ECE1: variants seen among roughly 807,000 people sequenced by gnomAD.
ECE1 encodes the protein endothelin-converting enzyme 1.
ECE1 carries 35 observed loss-of-function variants against 98.6 expected under a neutral mutation model. The ratio of observed to expected loss-of-function variants is 0.35; its 90% confidence interval spans 0.27 to 0.47. The LOEUF is 0.47. Ranked by LOEUF, ECE1 falls within the 20% of genes least tolerant of loss-of-function variation. The pLI, the probability that ECE1 is intolerant of heterozygous loss-of-function variation, is 1.00. For missense variants in ECE1, 814 were observed against 1,025.3 expected (o/e 0.79, Z 2.81); for synonymous variants, 394 against 407.1 (o/e 0.97, Z 0.39).
chr1:21,334,403 C>T (rs982907812), intron 1 of ECE1, among the ~76,000 whole-genome samples: 1 of 152,262 alleles, frequency 6.6e-6, no homozygotes, highest in Non-Finnish European at 1.5e-5. Flanking sequence ...TCATGGCCAT[C>T]TTCCACCAGA....
chr1:21,333,489 T>C (rs72868870), intron 1 of ECE1, among the ~76,000 whole-genome samples: 1 of 152,068 alleles, frequency 6.6e-6, no homozygotes, highest in Non-Finnish European at 1.5e-5. Context: ...ACAGCATATG[T>C]GAGGGCCAGC....
intron 3 of ECE1, among the ~76,000 whole-genome samples, chr1:21,277,366 G>A (rs896300983): frequency 6.6e-6 from 1 of 152,252 alleles, no homozygotes; most frequent in African/African-American, 2.4e-5. Flanking sequence ...TATCTTTGGA[G>A]CTCCGAGGGG....
At position 21,233,773 on chromosome 1, in the gene ECE1, CG is replaced by C; in HGVS notation, c.1567-113del. 1 of 998,192 alleles carries C rather than the reference CG, an allele frequency of 1.0e-6. No individual in the cohort carries two copies. Among genetic ancestry groups the C allele is most frequent in the Non-Finnish European group, 1.5e-6 (1 of 651,314 alleles). 61.8% of individuals were successfully genotyped at this position (998,192 alleles called of 1,614,324 possible). A position where few individuals can be genotyped will look rare whatever the true frequency, so the allele number is the denominator to read the frequency against. ...AGAGATTAATCTGCAGGCTGGAGAC[CG>C]GAATGCAGGGCTTGGGGCTGCAGGG... is the stretch of plus-strand genomic sequence containing the variant. On this transcript the variant is annotated intron_variant, in intron 13 of 18. Transcript: ENST00000374893. This position sits in a 1 kb window ranked among gnomAD's most constrained non-coding sequence, Gnocchi z 4.0.
At chr1:21,303,013 G>A (rs1638521468) in intron 1 of ECE1, among the ~76,000 whole-genome samples, 1 of 152,146 alleles carries the variant, frequency 6.6e-6, no homozygotes, top group African/African-American at 2.4e-5. Flanking sequence ...TGCTATTTCT[G>A]CCCCCACTTG....
intron 3 of ECE1, among the ~76,000 whole-genome samples, chr1:21,276,539 G>T: frequency 6.6e-6 from 1 of 152,172 alleles, no homozygotes; most frequent in East Asian, 1.9e-4. Context: ...TATGTTCTTG[G>T]AGAATGTATT....
intron 4 of ECE1, among the ~76,000 whole-genome samples, chr1:21,264,318 C>CG (rs1491477507): frequency 7.1e-6 from 1 of 141,768 alleles, no homozygotes; most frequent in African/African-American, 2.6e-5. Context: ...TTCCCCCCCC[C>CG]CCTTTTTTTT....
chr1:21,269,096 C>T (rs539617663), intron 4 of ECE1, among the ~76,000 whole-genome samples: 321 of 152,316 alleles, frequency 2.1e-3, no homozygotes, highest in Admixed American at 3.0e-3. Flanking sequence ...GCAGGCGAAC[C>T]ACACTTCTCG....
At chr1:21,326,369 G>A (rs1639078911) in intron 1 of ECE1, among the ~76,000 whole-genome samples, 1 of 152,044 alleles carries the variant, frequency 6.6e-6, no homozygotes, top group African/African-American at 2.4e-5. Flanking sequence ...AGACCGTGGG[G>A]TGTGTGTGTC....
intron 14 of ECE1, among the ~76,000 whole-genome samples, chr1:21,228,325 A>G (rs2098177145): frequency 6.6e-6 from 1 of 152,066 alleles, no homozygotes; most frequent in Non-Finnish European, 1.5e-5. Context: ...TCGGACTCCC[A>G]AAGTGCTGGA....
chr1:21,334,443 C>T (rs1277144714), intron 1 of ECE1, among the ~76,000 whole-genome samples: 3 of 152,266 alleles, frequency 2.0e-5, no homozygotes, highest in African/African-American at 4.8e-5. Context: ...ACCACAAAGC[C>T]ACAGGATTCC....
chr1:21,284,563 C>T (rs913947106), intron 2 of ECE1, among the ~76,000 whole-genome samples: 7 of 152,198 alleles, frequency 4.6e-5, no homozygotes, highest in Admixed American at 3.9e-4. Flanking sequence ...AAAAGAGCAG[C>T]GCTATCCAGC....
At chr1:21,269,794 C>A (rs1031793266) in intron 4 of ECE1, among the ~76,000 whole-genome samples, 10 of 152,206 alleles carry the variant, frequency 6.6e-5, no homozygotes, top group African/African-American at 2.4e-4. Flanking sequence ...GGTCACTTGT[C>A]CAAGGCCACA....
chr1:21,309,325 G>A lies in ECE1; in HGVS notation c.4-19169C>T, dbSNP rs114982600. Among the ~76,000 whole-genome samples, 930 of 152,328 alleles carry A rather than the reference G, an allele frequency of 6.1e-3. 6 individuals carry two copies. The highest frequency in any genetic ancestry group is 0.021 in the African/African-American group (860 of 41,582). ...CCTGGCTCTGTCATTTACCAACTGT[G>A]ACCTTGAGTGAGTTACTTAACCTCT... On this transcript the variant is annotated intron_variant, in intron 1 of 18. Coordinates refer to the ECE1 transcript ENST00000415912.
chr1:21,337,882 G>A (rs1037336809), intron 1 of ECE1, among the ~76,000 whole-genome samples: 3 of 152,166 alleles, frequency 2.0e-5, no homozygotes. Flanking sequence ...GGCAGATCCC[G>A]CCTCCCTGCC....
At chr1:21,261,298 C>G (rs1037181682) in intron 4 of ECE1, among the ~76,000 whole-genome samples, 5 of 152,180 alleles carry the variant, frequency 3.3e-5, no homozygotes, top group Non-Finnish European at 7.3e-5. Flanking sequence ...CCTGAAGCCC[C>G]TTCCTTTGCC....
At position 21,220,117 on chromosome 1, in the gene ECE1, G is replaced by A. The variant is rs1391825756; in HGVS notation, c.2151C>T (p.Val717=). 2.5e-6 allele frequency: 4 copies of A among 1,612,792 alleles called. No homozygotes were observed. In the South Asian group the frequency reaches 3.3e-5, roughly 13 times the overall value. ...FLGFAQVWCS[V]RTPESSHEGL... Reference sequence around the variant, plus strand: ...CTTCGTGGGAGCTCTCAGGTGTGCGGACGGAGCACCAGACCTTTGAAGGGG... The same window carrying A: ...CTTCGTGGGAGCTCTCAGGTGTGCGAACGGAGCACCAGACCTTTGAAGGGG... Residue 717 remains valine, a synonymous_variant, in exon 19 of 19, where the codon GTC becomes GTT. Transcript: ENST00000374893. The surrounding 1 kb of genome is among the most constrained non-coding windows in gnomAD (Gnocchi z 5.0).
rs1173801033 is a variant in ECE1 at position 21,289,959 on chromosome 1, G to A, written c.138+111C>T. 5 of 1,225,460 alleles carry A rather than the reference G, an allele frequency of 4.1e-6. No homozygotes were observed. The East Asian group carries it at 9.6e-5, about 24-fold the overall frequency. The allele number at this position is 1,225,460 out of a possible 1,614,324, so 75.9% of individuals were successfully genotyped here. On this transcript the variant is annotated intron_variant, in intron 2 of 18. Coordinates refer to ENST00000374893, the MANE Select transcript of ECE1 (RefSeq NM_001397.3). ...CCTCCCGGATGCCGGGACGAGGGAGGGGAAGGGAGGGGAAGAGGCGGGGTA... is the reference window on the plus strand; with the variant it reads ...CCTCCCGGATGCCGGGACGAGGGAGAGGAAGGGAGGGGAAGAGGCGGGGTA...
At chr1:21,243,342 G>T (rs930690635) in intron 10 of ECE1, among the ~76,000 whole-genome samples, 3 of 151,794 alleles carry the variant, frequency 2.0e-5, no homozygotes, top group Non-Finnish European at 4.4e-5. Context: ...TATCAGATCT[G>T]GGATTTTCAT....
chr1:21,259,619 G>A (rs2098224187), intron 5 of ECE1, among the ~76,000 whole-genome samples: 1 of 152,110 alleles, frequency 6.6e-6, no homozygotes, highest in East Asian at 1.9e-4. Flanking sequence ...AGTCCCCAGC[G>A]CATGCAGCCA....
Sources: allele counts gnomAD v4.1 joint callset (sites outside exome capture counted in the v4.1 genomes callset), GRCh38; gene constraint gnomAD v4.1.1; non-coding constraint Gnocchi (gnomAD v3.1); transcripts MANE v1.5; gene names NCBI Gene and HGNC (gene_info 2026-07-23, HGNC 2026-07-21).